ASTN1: variants seen among roughly 807,000 people sequenced by gnomAD.
ASTN1 encodes the protein astrotactin-1.
ASTN1 carries 41 observed loss-of-function variants against 140.7 expected under a neutral mutation model. That is an observed-to-expected ratio of 0.29 (90% confidence interval 0.23 to 0.38). ASTN1 has a LOEUF of 0.38. ASTN1 is among the 10% of genes least tolerant of loss of function. ASTN1 has a pLI of 1.00. For synonymous variants in ASTN1, 640 were observed against 652.2 expected (o/e 0.98, Z 0.29); for missense variants, 1,479 against 1,678.8 (o/e 0.88, Z 2.08).
intron 2 of ASTN1, among the ~76,000 whole-genome samples, chr1:177,045,573 CATGAGGATGCTCAA>C (rs1677176445): frequency 6.6e-6 from 1 of 152,124 alleles, no homozygotes; most frequent in Non-Finnish European, 1.5e-5. Context: ...TTTCATTTCC[CATGAGGATGCTCAA>C]ATGCAAGGTG....
chr1:177,075,050 T>G (rs1261022213), intron 1 of ASTN1, among the ~76,000 whole-genome samples: 1 of 152,128 alleles, frequency 6.6e-6, no homozygotes, highest in Non-Finnish European at 1.5e-5. Flanking sequence ...AGTTAATTAA[T>G]AATCTATTAA....
intron 1 of ASTN1, among the ~76,000 whole-genome samples, chr1:177,121,295 C>T (rs2102179887): frequency 6.6e-6 from 1 of 152,192 alleles, no homozygotes; most frequent in African/African-American, 2.4e-5. Flanking sequence ...TGACCTTGAA[C>T]AAGTGATACA....
chr1:177,106,903 G>T (rs1451266757), intron 1 of ASTN1, among the ~76,000 whole-genome samples: 2 of 152,212 alleles, frequency 1.3e-5, no homozygotes, highest in East Asian at 3.8e-4. Flanking sequence ...ACAGAAGGCA[G>T]AAATGTTGAG....
chr1:177,161,407 A>AAGCCT (rs1313223073), intron 1 of ASTN1, among the ~76,000 whole-genome samples: 1 of 152,232 alleles, frequency 6.6e-6, no homozygotes, highest in Non-Finnish European at 1.5e-5. Context: ...AGTCCAAGCC[A>AAGCCT]AGCCTAATCT....
intron 1 of ASTN1, among the ~76,000 whole-genome samples, chr1:177,095,527 G>A (rs1679988412): frequency 1.3e-5 from 2 of 152,222 alleles, no homozygotes. Context: ...TGTGGCTGCA[G>A]TAGGCTCAGG....
At chr1:176,993,146 T>A (rs1315262590) in intron 8 of ASTN1, among the ~76,000 whole-genome samples, 1 of 152,204 alleles carries the variant, frequency 6.6e-6, no homozygotes, top group Non-Finnish European at 1.5e-5. Flanking sequence ...GAGAACATAA[T>A]GTCTGTTGTT....
chr1:176,896,064 G>T (rs1417237849), intron 16 of ASTN1, among the ~76,000 whole-genome samples: 1 of 152,072 alleles, frequency 6.6e-6, no homozygotes, highest in Admixed American at 6.6e-5. Flanking sequence ...ATGACTCATC[G>T]ACTTTATAAA....
intron 5 of ASTN1, among the ~76,000 whole-genome samples, chr1:177,028,140 G>A (rs1676222112): frequency 6.6e-6 from 1 of 152,132 alleles, no homozygotes; most frequent in Non-Finnish European, 1.5e-5. Context: ...TGCATTAGGA[G>A]ACCTTGGTAT....
downstream of ASTN1, among the ~76,000 whole-genome samples, chr1:176,858,704 A>G (rs1667880657): frequency 6.6e-6 from 1 of 152,202 alleles, no homozygotes; most frequent in Admixed American, 6.5e-5. Flanking sequence ...AAGGTAATCT[A>G]TGTGCCCTAA....
chr1:177,127,502 C>G (rs1171679464), intron 1 of ASTN1, among the ~76,000 whole-genome samples: 1 of 152,182 alleles, frequency 6.6e-6, no homozygotes, highest in African/African-American at 2.4e-5. Flanking sequence ...TCACCCACCA[C>G]GTCCATTGGG....
At chr1:177,158,206 T>C in intron 1 of ASTN1, among the ~76,000 whole-genome samples, 1 of 152,242 alleles carries the variant, frequency 6.6e-6, no homozygotes, top group East Asian at 1.9e-4. Flanking sequence ...TGATTGTTTG[T>C]TCCTTGGAAA....
At chr1:177,032,936 A>G in intron 2 of ASTN1, 87 bp from the exon 3 acceptor site, 1 of 1,398,926 alleles carries the variant, frequency 7.1e-7, no homozygotes, top group Non-Finnish European at 9.6e-7. Flanking sequence ...ACCACCATTC[A>G]TCACTTATTT....
At position 176,909,363 on chromosome 1, in the gene ASTN1, C is replaced by T. The variant is rs1437712376; in HGVS notation, c.2672-14533G>A. Among the ~76,000 whole-genome samples, 3 of 152,180 alleles carry T rather than the reference C, an allele frequency of 2.0e-5. 1 individual carries two copies. The highest frequency in any genetic ancestry group is 4.1e-4 in the South Asian group (2 of 4,834). ...ATAATGGTGGCATCTCAGACATTCT[C>T]ATTGTTGCAGGCATGCTTGTTTAGA... is the stretch of plus-strand genomic sequence containing the variant. On this transcript the variant is annotated intron_variant, in intron 16 of 22. Transcript: ENST00000361833.
intron 1 of ASTN1, among the ~76,000 whole-genome samples, chr1:177,073,415 T>C (rs1258555329): frequency 6.6e-6 from 1 of 151,892 alleles, no homozygotes; most frequent in Non-Finnish European, 1.5e-5. Context: ...CCTAAACTCA[T>C]CTTCCTTGGG....
chr1:177,130,363 T>A (rs16850821), intron 1 of ASTN1, among the ~76,000 whole-genome samples: 24,217 of 151,922 alleles, frequency 0.16, 3,953 homozygotes, highest in African/African-American at 0.42. Context: ...CCTATCGTAT[T>A]TCAACAGGAG....
chr1:176,860,461 T>TA (rs1276035444), downstream of ASTN1, among the ~76,000 whole-genome samples: 1 of 152,252 alleles, frequency 6.6e-6, no homozygotes, highest in Non-Finnish European at 1.5e-5. Context: ...GTAGCTGAGA[T>TA]AATCTCTATT....
chr1:177,061,447 G>C (rs1204450402), intron 1 of ASTN1, among the ~76,000 whole-genome samples, 182 bp from the exon 2 acceptor site: 2 of 152,176 alleles, frequency 1.3e-5, no homozygotes, highest in Non-Finnish European at 2.9e-5. Flanking sequence ...GAGACCCTGA[G>C]AAGAAGACAA....
intron 1 of ASTN1, among the ~76,000 whole-genome samples, chr1:177,126,117 T>C (rs1681633411): frequency 6.6e-6 from 1 of 152,198 alleles, no homozygotes; most frequent in African/African-American, 2.4e-5. Flanking sequence ...CCTCAGGTGC[T>C]TTCTTGGCTC....
chr1:177,114,647 T>C (rs1258907900), intron 1 of ASTN1, among the ~76,000 whole-genome samples: 1 of 152,154 alleles, frequency 6.6e-6, no homozygotes, highest in African/African-American at 2.4e-5. Flanking sequence ...CACTTATTTG[T>C]TTCTGTGTAT....
Sources: gnomAD v4.1 joint callset for allele counts (sites outside exome capture counted in the v4.1 genomes callset) on GRCh38, gnomAD v4.1.1 for gene constraint, MANE v1.5 for transcripts, NCBI Gene and HGNC (gene_info 2026-07-23, HGNC 2026-07-21) for gene names.